Variants in FRAS1 observed in about 807,000 individuals in gnomAD.
FRAS1 encodes Fraser extracellular matrix complex subunit 1.
In FRAS1, 290 loss-of-function variants were observed where a neutral mutation model predicts 435.2. The observed-to-expected ratio is 0.67, with a 90% CI of 0.61 to 0.73. The LOEUF (loss-of-function observed/expected upper bound fraction) is 0.73, where lower values mean the gene tolerates loss of function less well. Ranked by LOEUF, FRAS1 falls within the 30% of genes least tolerant of loss-of-function variation. The probability of loss-of-function intolerance (pLI) is 0.00; values close to 1 mark genes in which losing one functional copy is unlikely to be tolerated. For missense variants in FRAS1, 4,860 were observed against 5,001.5 expected (o/e 0.97, Z 0.85); for synonymous variants, 1,800 against 1,851.0 (o/e 0.97, Z 0.71).
At position 78,439,059 on chromosome 4, in the gene FRAS1, A is replaced by G. The variant is rs747807861; in HGVS notation, c.5524A>G (p.Ile1842Val). The G allele has an allele frequency of 8.7e-6, 14 of 1,612,082 alleles. No individual in the cohort carries two copies. In the East Asian group the frequency reaches 1.6e-4, roughly 18 times the overall value. ...TCCAGTCATTGCTTTTGCTGACCTT[A>G]TCACGGTAAACAATTCTCAGATCAA... ...PPPVIAFADL[I>V]TVDEGGRAPL... Residue 1842 changes from isoleucine (I) to valine (V), a missense_variant, in exon 40 of 74, where the codon ATC becomes GTC. Ile to Val is a conservative substitution (Grantham distance 29, BLOSUM62 3). Coordinates refer to ENST00000512123, the MANE Select transcript of FRAS1 (RefSeq NM_025074.7).
chr4:78,513,679 C>G, intron 65 of FRAS1, 127 bp downstream of exon 65: 1 of 819,404 alleles, frequency 1.2e-6, no homozygotes, highest in Non-Finnish European at 2.0e-6. Context: ...TAGTGGTTTT[C>G]CTTCTAGCAC....
chr4:78,209,484 C>T (rs1560581976), intron 2 of FRAS1, among the ~76,000 whole-genome samples: 2 of 152,246 alleles, frequency 1.3e-5, no homozygotes, highest in South Asian at 4.1e-4. Context: ...GACCACAGCT[C>T]TTTTGGGTTC....
intron 70 of FRAS1, among the ~76,000 whole-genome samples, chr4:78,529,448 C>T (rs1721645889): frequency 6.6e-6 from 1 of 152,130 alleles, no homozygotes; most frequent in Non-Finnish European, 1.5e-5. Flanking sequence ...TCAATACCCT[C>T]AGTGCCCCTC....
chr4:78,328,415 C>T (rs1729802126), intron 18 of FRAS1, among the ~76,000 whole-genome samples: 1 of 152,102 alleles, frequency 6.6e-6, no homozygotes, highest in South Asian at 2.1e-4. Flanking sequence ...TTTAGGTGTG[C>T]AAAAATCTGT....
At chr4:78,308,274 T>G in intron 15 of FRAS1, 65 bp downstream of exon 15, 1 of 1,520,652 alleles carries the variant, frequency 6.6e-7, no homozygotes, top group Non-Finnish European at 9.0e-7. Flanking sequence ...TCTTGTTGTA[T>G]TCAAATCATA....
chr4:78,255,614 A>G (rs1725756000), intron 6 of FRAS1, among the ~76,000 whole-genome samples: 2 of 152,222 alleles, frequency 1.3e-5, no homozygotes, highest in South Asian at 4.1e-4. Context: ...AGCCTTGAGG[A>G]TTCACACAAG....
chr4:78,264,029 C>T (rs1374365320), intron 6 of FRAS1, among the ~76,000 whole-genome samples: 2 of 152,164 alleles, frequency 1.3e-5, no homozygotes, highest in Non-Finnish European at 2.9e-5. Context: ...GTGTTTTCTA[C>T]TCCTCATAAG....
At chr4:78,367,725 A>G (rs1843118) in intron 22 of FRAS1, among the ~76,000 whole-genome samples, 4 of 151,854 alleles carry the variant, frequency 2.6e-5, no homozygotes, top group Admixed American at 6.6e-5. Context: ...TAAATGCGGG[A>G]CTTTTCTTAG....
At chr4:78,483,757 GA>G (rs201695646) in intron 58 of FRAS1, among the ~76,000 whole-genome samples, 2,394 of 76,190 alleles carry the variant, frequency 0.031, 129 homozygotes, top group African/African-American at 0.1. Flanking sequence ...TCCTTCAGGA[GA>G]AAAAAAAAAC....
At chr4:78,216,490 T>C (rs1723774536) in intron 2 of FRAS1, among the ~76,000 whole-genome samples, 1 of 152,184 alleles carries the variant, frequency 6.6e-6, no homozygotes, top group South Asian at 2.1e-4. Context: ...TAAGAATATA[T>C]TCTTTGGTGA....
rs1329039312 is a variant in FRAS1, at chr4:78,508,793, C to T, written c.9567C>T (p.Ser3189=). 3.7e-6 allele frequency: 6 copies of T among 1,613,638 alleles called. No individual in the cohort carries two copies. The highest frequency in any genetic ancestry group is 5.1e-6 in the Non-Finnish European group (6 of 1,179,740). ...TTACCAAGGAAGGAGTCAAGAAATC[C>T]CCCTCCCCAGGCTACCCACTGGTCT... ...EEVTKEGVKK[S]PSPGYPLVCV... The change falls in exon 63 of 74, where the codon TCC becomes TCT. Residue 3189 remains serine, a synonymous_variant. Coordinates refer to ENST00000512123, the MANE Select transcript of FRAS1 (RefSeq NM_025074.7).
intron 41 of FRAS1, among the ~76,000 whole-genome samples, chr4:78,443,649 A>G (rs1284613125): frequency 6.6e-6 from 1 of 152,246 alleles, no homozygotes; most frequent in African/African-American, 2.4e-5. Flanking sequence ...TTTGCACATC[A>G]TATGTTCTGT....
In FRAS1 at chr4:78,286,499, C is replaced by A. The variant is rs773670167; in HGVS notation, c.1494C>A (p.Thr498=). The A allele has an allele frequency of 1.2e-6, 2 of 1,613,578 alleles. No homozygotes were observed. Among genetic ancestry groups the A allele is most frequent in the South Asian group, 2.2e-5 (2 of 91,066 alleles). ...TGCGGCACGGGCAGTGTGTGCCTAC[C>A]TGTGGGGACGGCTTCTACCAAGATC... The part of the protein sequence containing the change: ...LLMRHGQCVP[T]CGDGFYQDRH... The change falls in exon 14 of 74, where the codon ACC becomes ACA. Residue 498 remains threonine (T), a synonymous_variant. Transcript: ENST00000512123.
chr4:78,145,595 A>G (rs113220489), intron 2 of FRAS1, among the ~76,000 whole-genome samples: 90 of 152,324 alleles, frequency 5.9e-4, no homozygotes, highest in African/African-American at 2.1e-3. Context: ...CTGTGGCTAC[A>G]TACACATAGC....
intron 20 of FRAS1, among the ~76,000 whole-genome samples, chr4:78,343,591 C>A (rs572337698): frequency 6.6e-6 from 1 of 152,282 alleles, no homozygotes; most frequent in South Asian, 2.1e-4. Flanking sequence ...ACTTTTGAGT[C>A]CTTTCCATGA....
Position 78,321,328 on chromosome 4 carries a change from G to A in FRAS1, c.2137+2342G>A, listed in dbSNP as rs962852015. Among the ~76,000 whole-genome samples the A allele has an allele frequency of 8.5e-5, 13 of 152,258 alleles. 1 individual carries two copies. The highest frequency in any genetic ancestry group is 2.2e-4 in the African/African-American group (9 of 41,562). ...TGTAGCCAGCACAGAGTAGAATCCC[G>A]TGGGAATCTAAGTCCAGTATCCAGT... On this transcript the variant is annotated intron_variant, in intron 18 of 73. Transcript: ENST00000512123.
At chr4:78,469,018 G>A (rs1467643511) in intron 50 of FRAS1, among the ~76,000 whole-genome samples, 4 of 152,056 alleles carry the variant, frequency 2.6e-5, no homozygotes, top group Admixed American at 1.3e-4. Context: ...CTGCCATTGC[G>A]GTGTCTGCAC....
intron 69 of FRAS1, 63 bp downstream of exon 69, chr4:78,522,871 C>T (rs1721429739): frequency 2.1e-6 from 3 of 1,408,948 alleles, no homozygotes; most frequent in East Asian, 4.9e-5. Flanking sequence ...CTTTCAGGAG[C>T]TTGGGAAATA....
At chr4:78,491,420 C>A (rs1021596194) in intron 59 of FRAS1, among the ~76,000 whole-genome samples, 2 of 152,152 alleles carry the variant, frequency 1.3e-5, no homozygotes, top group African/African-American at 4.8e-5. Context: ...TACTGGCAAA[C>A]TGAATCCAGC....
Sources: gnomAD v4.1 joint callset for allele counts (sites outside exome capture counted in the v4.1 genomes callset) on GRCh38, gnomAD v4.1.1 for gene constraint, MANE v1.5 for transcripts, NCBI Gene and HGNC (gene_info 2026-07-23, HGNC 2026-07-21) for gene names.